Variants in PRKCE observed in about 807,000 individuals in gnomAD.
PRKCE encodes protein kinase C epsilon type.
A neutral mutation model predicts 85.4 loss-of-function variants in PRKCE; 16 were observed. The ratio of observed to expected loss-of-function variants is 0.19; its 90% CI spans 0.13 to 0.28. The LOEUF is 0.28. Among genes scored for constraint, PRKCE ranks in the 10% least tolerant of loss-of-function variants. The probability of loss-of-function intolerance (pLI) is 1.00; values close to 1 mark genes in which losing one functional copy is unlikely to be tolerated. For synonymous variants in PRKCE, 388 were observed against 371.5 expected (o/e 1.04, Z -0.51); for missense variants, 573 against 975.2 (o/e 0.59, Z 5.49).
At chr2:45,888,046 A>T (rs1270024857) in intron 2 of PRKCE, among the ~76,000 whole-genome samples, 1 of 152,226 alleles carries the variant, frequency 6.6e-6, no homozygotes, top group Non-Finnish European at 1.5e-5. Flanking sequence ...TTAGAAATGG[A>T]CCTAGATTTC....
rs960924106 is a variant in PRKCE, at chr2:46,007,447, T to G, written c.1064-15T>G. ...GGTATGCACTAATGCAATTTCTTGT[T>G]CCCCTTGGCCCTAGAAATAAAAGAA... On this transcript the variant is annotated splice_polypyrimidine_tract_variant and intron_variant, in intron 8 of 14. Transcript: ENST00000306156. 7 of 1,599,326 alleles carry G rather than the reference T, an allele frequency of 4.4e-6. No homozygotes were observed. In the Admixed American group the frequency reaches 1.0e-4, roughly 23 times the overall value.
Position 45,984,660 on chromosome 2 carries a change from G to A in PRKCE, c.803G>A (p.Arg268Gln), listed in dbSNP as rs1184220025. The change falls in exon 6 of 15, where the codon CGG becomes CAG. Residue 268 changes from arginine (R) to glutamine (Q), a missense_variant. Arg to Gln is a conservative substitution (Grantham distance 43). Around this residue, in one of 11 missense-constraint regions of PRKCE, gnomAD observed 55 missense variants for 128.1 expected, o/e 0.43. Transcript: ENST00000306156. ...HCGSLLWGLL[R>Q]QGLQCKVCKM... ...GGGTCCCTGCTCTGGGGACTCTTGC[G>A]GCAGGGTTTGCAGTGTAAAGGTAAG... is the stretch of plus-strand genomic sequence containing the variant. The A allele has an allele frequency of 4.4e-6, 7 of 1,599,434 alleles. No homozygotes were observed. The highest frequency in any genetic ancestry group is 1.7e-4 in the Middle Eastern group (1 of 6,056).
intron 1 of PRKCE, 133 bp from the exon 2 acceptor site, chr2:45,842,867 A>C (rs1691472021): frequency 2.5e-6 from 2 of 809,526 alleles, no homozygotes; most frequent in African/African-American, 3.4e-5. Flanking sequence ...CCTAGCACTC[A>C]ACACATTGTA....
chr2:45,817,887 C>T lies in PRKCE; in HGVS notation c.349-25113C>T, dbSNP rs550895200. ...GGTGAGAGGAGCCACGTGGGCATCT[C>T]ACTGCCTGCTCTCAAAGTGTCTGGG... On this transcript the variant is annotated intron_variant, in intron 1 of 14. Transcript: ENST00000306156. Among the ~76,000 whole-genome samples, 194 of 152,310 alleles carry T rather than the reference C, an allele frequency of 1.3e-3. 1 individual carries two copies. The highest frequency in any genetic ancestry group is 4.6e-3 in the African/African-American group (190 of 41,580).
chr2:45,748,890 A>ATTT (rs34676578), intron 1 of PRKCE, among the ~76,000 whole-genome samples: 2 of 145,330 alleles, frequency 1.4e-5, no homozygotes, highest in Non-Finnish European at 1.5e-5. Context: ...AGGGAACAGG[A>ATTT]TTTTTTTTTT....
chr2:45,938,058 G>T (rs746016876), intron 2 of PRKCE, among the ~76,000 whole-genome samples: 1 of 152,124 alleles, frequency 6.6e-6, no homozygotes, highest in Admixed American at 6.6e-5. Flanking sequence ...CTTCCCCTTC[G>T]GCCTCTTCTT....
At chr2:46,048,705 A>ACCTATC (rs1708674946) in intron 10 of PRKCE, among the ~76,000 whole-genome samples, 2 of 152,158 alleles carry the variant, frequency 1.3e-5, no homozygotes, top group East Asian at 3.8e-4. Context: ...TTAGGGGTGA[A>ACCTATC]CCAGTGTCTG....
At chr2:46,143,844 G>A (rs559986304) in intron 11 of PRKCE, among the ~76,000 whole-genome samples, 130 of 152,336 alleles carry the variant, frequency 8.5e-4, no homozygotes, top group South Asian at 1.7e-3. Context: ...TGGAAACGGG[G>A]TCGTGGCTAC....
rs1362555594 is a variant in PRKCE, at chr2:46,076,983, G to GT, written c.1438-9225_1438-9224insT. ...GAGTAGAATAGGTTGGTGGTTTCCA[G>GT]AGGCTGGTGGAGGGGGAATCGGGGA... is the stretch of plus-strand genomic sequence containing the variant. On this transcript the variant is annotated intron_variant, in intron 10 of 14. Transcript: ENST00000306156. Among the ~76,000 whole-genome samples, 5 of 152,296 alleles carry GT rather than the reference G, an allele frequency of 3.3e-5. No homozygotes were observed. In the East Asian group the frequency reaches 9.6e-4, roughly 29 times the overall value.
chr2:45,828,108 T>C (rs1006231995), intron 1 of PRKCE, among the ~76,000 whole-genome samples: 2 of 152,210 alleles, frequency 1.3e-5, no homozygotes, highest in Non-Finnish European at 2.9e-5. Context: ...AAGTCTGCTG[T>C]TATGACAGTT....
At chr2:45,824,194 C>G (rs1689759977) in intron 1 of PRKCE, among the ~76,000 whole-genome samples, 1 of 152,344 alleles carries the variant, frequency 6.6e-6, no homozygotes, top group South Asian at 2.1e-4. Context: ...CAGGCTTCAG[C>G]AGGACTGTTC....
intron 11 of PRKCE, among the ~76,000 whole-genome samples, chr2:46,088,861 T>C (rs1669892225): frequency 6.6e-6 from 1 of 152,208 alleles, no homozygotes; most frequent in South Asian, 2.1e-4. Flanking sequence ...TCCAAAGCCA[T>C]ACTTGGTAAA....
At chr2:45,966,508 T>C (rs943440709) in intron 2 of PRKCE, among the ~76,000 whole-genome samples, 19 of 152,204 alleles carry the variant, frequency 1.2e-4, no homozygotes, top group African/African-American at 4.3e-4. Flanking sequence ...TTGACAGTTA[T>C]TTAGACCAAA....
At chr2:45,694,299 G>A (rs929612637) in intron 1 of PRKCE, among the ~76,000 whole-genome samples, 5 of 151,920 alleles carry the variant, frequency 3.3e-5, no homozygotes, top group African/African-American at 7.3e-5. Context: ...CACCATCCAG[G>A]GGAAGAACTA....
At chr2:46,135,037 T>C (rs2104428476) in intron 11 of PRKCE, among the ~76,000 whole-genome samples, 1 of 152,322 alleles carries the variant, frequency 6.6e-6, no homozygotes, top group South Asian at 2.1e-4. Flanking sequence ...ACAGGCTGTT[T>C]ATTATTATTT....
At position 45,877,945 on chromosome 2, in the gene PRKCE, C is replaced by T. The variant is rs1694600605; in HGVS notation, c.412+34882C>T. 2.0e-5 allele frequency among the ~76,000 whole-genome samples: 3 copies of T among 152,370 alleles called. No homozygotes were observed. In the South Asian group the frequency reaches 6.2e-4, roughly 32 times the overall value. On this transcript the variant is annotated intron_variant, in intron 2 of 14. Coordinates refer to ENST00000306156, the MANE Select transcript of PRKCE (RefSeq NM_005400.3). ...ATCACCACATCCAGACAATGAGATG[C>T]TGGACTCCTCATTCATCATGATTGC...
rs111809478 is a variant in PRKCE at position 46,141,847 on chromosome 2, G to A, written c.1593-3246G>A. The stretch of plus-strand genomic sequence containing the variant: ...CAAGTTTGATGAGCACTTGCTACAC[G>A]CCTGGCCATGTCCTGAACACTGAAC... On this transcript the variant is annotated intron_variant, in intron 11 of 14. Transcript: ENST00000306156. Among the ~76,000 whole-genome samples, 780 of 152,204 alleles carry A rather than the reference G, an allele frequency of 5.1e-3. 2 individuals are homozygous for A. Among genetic ancestry groups the A allele is most frequent in the Non-Finnish European group, 8.3e-3 (563 of 68,012 alleles).
chr2:46,007,083 C>T (rs1335707202), intron 8 of PRKCE, among the ~76,000 whole-genome samples: 1 of 152,172 alleles, frequency 6.6e-6, no homozygotes, highest in Non-Finnish European at 1.5e-5. Context: ...TCAGAGGAAA[C>T]TTGAAGGATA....
chr2:45,860,871 C>A (rs1228050625), intron 2 of PRKCE, among the ~76,000 whole-genome samples: 1 of 152,188 alleles, frequency 6.6e-6, no homozygotes, highest in Non-Finnish European at 1.5e-5. Context: ...CCTCCCCATG[C>A]CAAAGCCACT....
Sources: gnomAD v4.1 joint callset for allele counts (sites outside exome capture counted in the v4.1 genomes callset) on GRCh38, gnomAD v4.1.1 for gene constraint, gnomAD v4.1.1 regional missense constraint, MANE v1.5 for transcripts, NCBI Gene and HGNC (gene_info 2026-07-23, HGNC 2026-07-21) for gene names.